The following EMC2 variants were observed in gnomAD, a reference collection of about 807,000 sequenced individuals.
EMC2 encodes TPR repeat protein 35.
In EMC2, 37 loss-of-function variants were observed where a neutral mutation model predicts 51.6. The observed-to-expected ratio is 0.72, with a 90% CI of 0.55 to 0.94. The LOEUF is 0.94. Ranked by LOEUF, EMC2 falls within the 40% of genes least tolerant of loss-of-function variation. The probability of loss-of-function intolerance (pLI) is 0.00; values close to 1 mark genes in which losing one functional copy is unlikely to be tolerated. For missense variants in EMC2, 359 were observed against 350.9 expected, an observed-to-expected ratio of 1.02 and a Z score of -0.18; for synonymous variants, 131 against 112.4, an observed-to-expected ratio of 1.17 and a Z score of -1.04.
intron 5 of EMC2, among the ~76,000 whole-genome samples, chr8:108,459,135 G>T (rs950104239): frequency 2.0e-5 from 3 of 152,106 alleles, no homozygotes; most frequent in Non-Finnish European, 4.4e-5. Context: ...GACCACCTCG[G>T]CCTGAATTTC....
intron 5 of EMC2, among the ~76,000 whole-genome samples, chr8:108,465,289 A>G (rs1034320025): frequency 3.9e-5 from 6 of 152,154 alleles, no homozygotes; most frequent in South Asian, 4.1e-4. Context: ...GACTCTTCCA[A>G]TTCTAGTCTT....
chr8:108,482,522 T>C (rs1273038489), intron 10 of EMC2, among the ~76,000 whole-genome samples: 1 of 152,184 alleles, frequency 6.6e-6, no homozygotes, highest in Non-Finnish European at 1.5e-5. Context: ...TCAGAATTTC[T>C]ATTCTTTTAC....
chr8:108,484,225 C>A (rs1277973030), intron 10 of EMC2, among the ~76,000 whole-genome samples: 1 of 152,010 alleles, frequency 6.6e-6, no homozygotes, highest in Non-Finnish European at 1.5e-5. Context: ...AGCAGTGATT[C>A]TGTTACTATC....
intron 4 of EMC2, among the ~76,000 whole-genome samples, chr8:108,453,532 TGAA>T (rs951422909): frequency 6.6e-6 from 1 of 152,158 alleles, no homozygotes; most frequent in Non-Finnish European, 1.5e-5. Flanking sequence ...TTAGTTCTGA[TGAA>T]GTTCAGTTTA....
chr8:108,444,646 TCA>T (rs1424114713), intron 1 of EMC2, among the ~76,000 whole-genome samples: 3 of 152,182 alleles, frequency 2.0e-5, no homozygotes, highest in Non-Finnish European at 2.9e-5. Context: ...AATAAATATA[TCA>T]GTTATTATAA....
At chr8:108,458,629 A>C (rs970289374) in intron 5 of EMC2, among the ~76,000 whole-genome samples, 1 of 152,098 alleles carries the variant, frequency 6.6e-6, no homozygotes, top group Non-Finnish European at 1.5e-5. Context: ...AGTGGCTGGG[A>C]TGCAAGGCAC....
intron 10 of EMC2, among the ~76,000 whole-genome samples, chr8:108,479,460 T>A (rs758989329): frequency 6.6e-6 from 1 of 152,118 alleles, no homozygotes; most frequent in Non-Finnish European, 1.5e-5. Flanking sequence ...ATCATAGGTA[T>A]CTCAAGAAAT....
chr8:108,450,339 A>G, intron 2 of EMC2, 89 bp from the exon 3 acceptor site: 1 of 790,176 alleles, frequency 1.3e-6, no homozygotes, highest in Admixed American at 1.9e-5. Flanking sequence ...AATGTTCTCT[A>G]GAAATATCAG....
intron 1 of EMC2, among the ~76,000 whole-genome samples, chr8:108,444,867 A>G (rs1301249439): frequency 6.6e-6 from 1 of 152,216 alleles, no homozygotes; most frequent in African/African-American, 2.4e-5. Context: ...GGAAGTCACA[A>G]TCTAATGGAG....
chr8:108,456,751 A>G (rs1586179391), intron 5 of EMC2, among the ~76,000 whole-genome samples: 1 of 152,306 alleles, frequency 6.6e-6, no homozygotes, highest in East Asian at 1.9e-4. Context: ...TATTGCCATA[A>G]TAGATTCCCT....
At chr8:108,451,675 C>G (rs374098863) in intron 3 of EMC2, among the ~76,000 whole-genome samples, 2,101 of 107,974 alleles carry the variant, frequency 0.019, 64 homozygotes, top group African/African-American at 0.06. Context: ...TAGAGGTGAC[C>G]GTTTTATGTC....
At chr8:108,449,958 A>G in intron 2 of EMC2, 22 bp downstream of exon 2, 1 of 1,126,266 alleles carries the variant, frequency 8.9e-7, no homozygotes, top group Non-Finnish European at 1.3e-6. Flanking sequence ...TATTACATTC[A>G]GGCTCAGTAC....
chr8:108,446,830 T>C (rs1818887606), intron 1 of EMC2, among the ~76,000 whole-genome samples: 1 of 152,214 alleles, frequency 6.6e-6, no homozygotes, highest in African/African-American at 2.4e-5. Flanking sequence ...AATGTATTTA[T>C]TACAGCAGCA....
intron 5 of EMC2, among the ~76,000 whole-genome samples, chr8:108,462,961 C>G (rs1428581777): frequency 6.6e-6 from 1 of 151,928 alleles, no homozygotes; most frequent in African/African-American, 2.4e-5. Context: ...ACGCTTTTTT[C>G]AAATTTCATT....
intron 10 of EMC2, among the ~76,000 whole-genome samples, chr8:108,480,341 A>G (rs2127733): frequency 0.69 from 105,130 of 151,940 alleles, 37,109 homozygotes; most frequent in African/African-American, 0.84. Flanking sequence ...ATTAGGAGAC[A>G]ATGTTTATGG....
intron 10 of EMC2, among the ~76,000 whole-genome samples, chr8:108,479,560 C>A (rs1445131798): frequency 6.6e-6 from 1 of 152,078 alleles, no homozygotes; most frequent in African/African-American, 2.4e-5. Context: ...ACTGAAACTT[C>A]TCCATTTGTA....
intron 10 of EMC2, among the ~76,000 whole-genome samples, chr8:108,484,617 A>G (rs1811102973): frequency 6.6e-6 from 1 of 152,038 alleles, no homozygotes; most frequent in African/African-American, 2.4e-5. Context: ...AAAAGCAATT[A>G]GAATAAATGT....
chr8:108,476,074 C>A, intron 8 of EMC2, 111 bp downstream of exon 8: 1 of 581,630 alleles, frequency 1.7e-6, no homozygotes, highest in South Asian at 2.8e-5. Context: ...ATATTTAAAA[C>A]ATCTGATGAG....
chr8:108,448,217 A>G (rs1325494307), intron 1 of EMC2, among the ~76,000 whole-genome samples: 1 of 152,196 alleles, frequency 6.6e-6, no homozygotes, highest in Non-Finnish European at 1.5e-5. Flanking sequence ...GCTAAAGGTA[A>G]TATTATCTCT....
Sources: gnomAD v4.1 joint callset for allele counts (sites outside exome capture counted in the v4.1 genomes callset) on GRCh38, gnomAD v4.1.1 for gene constraint, MANE v1.5 for transcripts, NCBI Gene and HGNC (gene_info 2026-07-23, HGNC 2026-07-21) for gene names.